Variants in RELN observed in about 807,000 individuals in gnomAD.
RELN encodes reelin.
A neutral mutation model predicts 427.6 loss-of-function variants in RELN; 108 were observed. The observed-to-expected ratio is 0.25, with a 90% CI of 0.22 to 0.30. The LOEUF (loss-of-function observed/expected upper bound fraction) is 0.30, where lower values mean the gene tolerates loss of function less well. RELN is among the 10% of genes least tolerant of loss of function. RELN has a pLI of 1.00. For synonymous variants in RELN, 1,524 were observed against 1,513.4 expected (o/e 1.01, Z -0.16); for missense variants, 3,715 against 4,302.8 (o/e 0.86, Z 3.82).
At position 103,498,087 on chromosome 7, in the gene RELN, G is replaced by A; in HGVS notation, c.8833C>T (p.Arg2945Ter). ...RQAVTQDLDL[R>*]GAKFLQYWGR... is the part of the protein sequence containing the mutation. ...AAAAAATTCACTTACTTTGCACCTCGAAGATCCAAATCTTGTGTAACCGCT... is the reference window on the plus strand; with the variant it reads ...AAAAAATTCACTTACTTTGCACCTCAAAGATCCAAATCTTGTGTAACCGCT... Residue 2945 changes from arginine (R) to a stop codon, truncating the protein, a stop_gained, in exon 54 of 65, where the codon CGA (arginine) becomes TGA (stop). Transcript: ENST00000428762. LOFTEE classifies it high-confidence loss of function. 1 of 1,614,058 alleles carries A rather than the reference G, an allele frequency of 6.2e-7. No individual in the cohort carries two copies. The highest frequency in any genetic ancestry group is 8.5e-7 in the Non-Finnish European group (1 of 1,179,972).
intron 41 of RELN, among the ~76,000 whole-genome samples, chr7:103,548,026 A>G (rs1830337359): frequency 6.6e-6 from 1 of 152,240 alleles, no homozygotes; most frequent in Non-Finnish European, 1.5e-5. Context: ...TTTTTTAAAC[A>G]TAAACTTAAA....
intron 1 of RELN, among the ~76,000 whole-genome samples, chr7:103,982,402 G>A (rs187267069): frequency 2.6e-5 from 4 of 152,160 alleles, no homozygotes; most frequent in East Asian, 1.9e-4. Flanking sequence ...AATTATGACC[G>A]ACCTAAATAG....
chr7:103,773,186 CT>C (rs1283431162), intron 4 of RELN, among the ~76,000 whole-genome samples: 1 of 134,514 alleles, frequency 7.4e-6, no homozygotes, highest in African/African-American at 2.8e-5. Context: ...TTCCTTCTTT[CT>C]TTTCTTTCTT....
intron 11 of RELN, among the ~76,000 whole-genome samples, chr7:103,666,329 C>A (rs1217035348): frequency 6.6e-6 from 1 of 152,110 alleles, no homozygotes; most frequent in Non-Finnish European, 1.5e-5. Flanking sequence ...ATGTTGGCCT[C>A]TTAAAGTGCT....
Position 103,972,888 on chromosome 7 carries a change from A to G in RELN, c.226+16243T>C, listed in dbSNP as rs934666090. Among the ~76,000 whole-genome samples, 3 of 93,454 alleles carry G rather than the reference A, an allele frequency of 3.2e-5. No homozygotes were observed. In the Admixed American group the frequency reaches 3.2e-4, roughly 10 times the overall value. 61.3% of individuals were successfully genotyped at this position (93,454 alleles called of 152,430 possible). ...ACACACTGCTAATGTATGTGGGCAT[A>G]TGATTATGTGTGTGTGTGTGTGTGT... On this transcript the variant is annotated intron_variant, in intron 1 of 64. Transcript: ENST00000428762.
intron 12 of RELN, among the ~76,000 whole-genome samples, chr7:103,659,177 C>G (rs769252027): frequency 6.6e-6 from 1 of 151,960 alleles, no homozygotes; most frequent in African/African-American, 2.4e-5. Context: ...CTATTCCACA[C>G]TTACTCTCTT....
At chr7:103,571,007 T>TAA (rs1319315398) in intron 31 of RELN, among the ~76,000 whole-genome samples, 1 of 152,216 alleles carries the variant, frequency 6.6e-6, no homozygotes, top group Non-Finnish European at 1.5e-5. Flanking sequence ...AAATGGTCTA[T>TAA]AAAAGCTTCT....
intron 2 of RELN, among the ~76,000 whole-genome samples, chr7:103,909,502 GA>G (rs1178233920): frequency 6.7e-6 from 1 of 148,454 alleles, no homozygotes; most frequent in African/African-American, 2.5e-5. Context: ...ATTCACTCGG[GA>G]GGCTGAGGCA....
chr7:103,482,733 T>C (rs1171519501), intron 63 of RELN, 140 bp downstream of exon 63: 1 of 1,532,588 alleles, frequency 6.5e-7, no homozygotes, highest in Non-Finnish European at 8.8e-7. Flanking sequence ...AGCTTGCAGT[T>C]GCAAAAGAGT....
intron 3 of RELN, among the ~76,000 whole-genome samples, chr7:103,811,108 GTTATTA>G (rs914624304): frequency 6.6e-6 from 1 of 152,078 alleles, no homozygotes; most frequent in Non-Finnish European, 1.5e-5. Context: ...TTTAAAAATA[GTTATTA>G]TTGATTCATA....
Position 103,480,951 on chromosome 7 carries a change from G to A in RELN, c.10280+1922C>T, listed in dbSNP as rs543550211. 3.3e-5 allele frequency among the ~76,000 whole-genome samples: 5 copies of A among 152,308 alleles called. No individual in the cohort carries two copies. The South Asian group carries it at 1.0e-3, about 32-fold the overall frequency. ...AAATTCTTCAAAGTATTTAAAATAT[G>A]GAGCTTGATGCTGGTAGTTGCTTAT... On this transcript the variant is annotated intron_variant, in intron 63 of 64. Transcript: ENST00000428762.
chr7:103,585,004 A>T (rs1562905706), intron 28 of RELN, among the ~76,000 whole-genome samples: 2 of 151,976 alleles, frequency 1.3e-5, no homozygotes, highest in African/African-American at 4.8e-5. Flanking sequence ...TAAAAAAAAA[A>T]TTTGAAACAA....
rs775050593 is a variant in RELN at position 103,749,411 on chromosome 7, G to A, written c.656+15C>T. 3.1e-6 allele frequency: 5 copies of A among 1,600,642 alleles called. No homozygotes were observed. Among genetic ancestry groups the A allele is most frequent in the East Asian group, 4.5e-5 (2 of 44,726 alleles). The stretch of plus-strand genomic sequence containing the variant: ...CATTAAGCAAACCAAAGTGAGGAAT[G>A]TTCCTGTAACTTACCATATATTTGG... On this transcript the variant is annotated intron_variant, in intron 6 of 64. Coordinates refer to ENST00000428762, the MANE Select transcript of RELN (RefSeq NM_005045.4).
At position 103,573,806 on chromosome 7, in the gene RELN, A is replaced by G. The variant is rs1830935396; in HGVS notation, c.4511+286T>C. Among the ~76,000 whole-genome samples, 1 of 152,182 alleles carries G rather than the reference A, an allele frequency of 6.6e-6. No homozygotes were observed. Among genetic ancestry groups the G allele is most frequent in the Admixed American group, 6.5e-5 (1 of 15,282 alleles). On this transcript the variant is annotated intron_variant, in intron 30 of 64. Transcript: ENST00000428762. This position sits in a 1 kb window ranked among gnomAD's most constrained non-coding sequence, Gnocchi z 4.4. ...CGGCACATGCTAAGAATAATACCAA[A>G]TGGTTTTCATAATAATATCAAACTT...
intron 1 of RELN, among the ~76,000 whole-genome samples, chr7:103,927,155 A>G (rs1795763077): frequency 6.6e-6 from 1 of 152,202 alleles, no homozygotes; most frequent in South Asian, 2.1e-4. Context: ...CACTTATTTT[A>G]TGATCAGACC....
intron 63 of RELN, among the ~76,000 whole-genome samples, chr7:103,478,907 C>G (rs2116963786): frequency 6.6e-6 from 1 of 152,176 alleles, no homozygotes; most frequent in Non-Finnish European, 1.5e-5. Context: ...AAAAATGTGA[C>G]AGTATCTTGA....
chr7:103,674,654 C>A (rs565753955), intron 11 of RELN, among the ~76,000 whole-genome samples: 2 of 152,184 alleles, frequency 1.3e-5, no homozygotes, highest in African/African-American at 4.8e-5. Context: ...CTTTGCAAAC[C>A]GAATCTAGCA....
chr7:103,961,169 G>GCTTTTTAAACTAGTGGTC (rs1796545587), intron 1 of RELN, among the ~76,000 whole-genome samples: 2 of 152,182 alleles, frequency 1.3e-5, no homozygotes, highest in African/African-American at 4.8e-5. Flanking sequence ...TAACAACTGT[G>GCTTTTTAAACTAGTGGTC]AGAGAAAACA....
chr7:103,496,996 C>A (rs1458510261), intron 55 of RELN, among the ~76,000 whole-genome samples: 1 of 152,186 alleles, frequency 6.6e-6, no homozygotes, highest in East Asian at 1.9e-4. Flanking sequence ...AAAATAAAAA[C>A]ACTGAAGTAA....
Sources: gnomAD v4.1 joint callset for allele counts (sites outside exome capture counted in the v4.1 genomes callset) on GRCh38, gnomAD v4.1.1 for gene constraint, Gnocchi (gnomAD v3.1) non-coding constraint, MANE v1.5 for transcripts, NCBI Gene and HGNC (gene_info 2026-07-23, HGNC 2026-07-21) for gene names.